Variants in TRIM71 observed in about 807,000 individuals in gnomAD.
TRIM71 encodes the protein E3 ubiquitin-protein ligase TRIM71.
A neutral mutation model predicts 61.2 loss-of-function variants in TRIM71; 9 were observed. The observed-to-expected ratio is 0.15, with a 90% CI of 0.09 to 0.26. The LOEUF (loss-of-function observed/expected upper bound fraction) is 0.26, where lower values mean the gene tolerates loss of function less well. TRIM71 is among the 10% of genes least tolerant of loss of function. The pLI is 1.00. For missense variants in TRIM71, 998 were observed against 1,238.7 expected, an observed-to-expected ratio of 0.81 and a Z score of 2.92; for synonymous variants, 645 against 553.2, an observed-to-expected ratio of 1.17 and a Z score of -2.33.
intron 1 of TRIM71, among the ~76,000 whole-genome samples, chr3:32,839,553 G>A (rs564127288): frequency 1.9e-4 from 29 of 151,304 alleles, no homozygotes; most frequent in Non-Finnish European, 3.2e-4. Context: ...AAGGAGGAAC[G>A]TCTGACCCGT....
intron 1 of TRIM71, among the ~76,000 whole-genome samples, chr3:32,841,415 C>G (rs941237183): frequency 1.3e-5 from 2 of 152,074 alleles, no homozygotes; most frequent in African/African-American, 4.8e-5. Context: ...AGGTGGCTCA[C>G]GCCTCTAATC....
At chr3:32,844,959 A>G (rs559579702) in intron 1 of TRIM71, among the ~76,000 whole-genome samples, 16 of 152,324 alleles carry the variant, frequency 1.1e-4, no homozygotes, top group Admixed American at 4.6e-4. Context: ...TTTTGGGCTG[A>G]ATTTGAGCGA....
intron 1 of TRIM71, among the ~76,000 whole-genome samples, chr3:32,846,131 AG>A (rs1381433767): frequency 5.9e-5 from 8 of 136,558 alleles, no homozygotes; most frequent in Non-Finnish European, 6.1e-5. Flanking sequence ...GCTGGAGTGC[AG>A]TGGCGCGATC....
chr3:32,842,889 C>T (rs575397479), intron 1 of TRIM71, among the ~76,000 whole-genome samples: 2 of 152,258 alleles, frequency 1.3e-5, no homozygotes, highest in South Asian at 4.1e-4. Context: ...CCTCTGGGAG[C>T]CTGCCTTACT....
chr3:32,842,749 C>T (rs1177835903), intron 1 of TRIM71, among the ~76,000 whole-genome samples: 2 of 151,922 alleles, frequency 1.3e-5, no homozygotes, highest in Non-Finnish European at 2.9e-5. Context: ...GGTGTAGGCT[C>T]TTCTGATCCC....
Position 32,890,628 on chromosome 3 carries a change from T to C in TRIM71, c.1424T>C (p.Phe475Ser), listed in dbSNP as rs755272906. The C allele has an allele frequency of 2.5e-6, 4 of 1,613,838 alleles. No homozygotes were observed. The highest frequency in any genetic ancestry group is 2.7e-5 in the African/African-American group (2 of 74,946). Reference protein sequence around the residue: ...DQALYLAIKSFGFVSSGAFAP... With the variant: ...DQALYLAIKSSGFVSSGAFAP... ...GCACTGTACCTTGCCATCAAGTCTT[T>C]TGGCTTTGTTAGCAGCGGGGCCTTT... Residue 475 changes from phenylalanine to serine, a missense_variant, in exon 4 of 4, where the codon TTT becomes TCT. Around this residue, in one of 5 missense-constraint regions of TRIM71, gnomAD observed 291 missense variants for 431.2 expected, o/e 0.67. Coordinates refer to ENST00000383763, the MANE Select transcript of TRIM71 (RefSeq NM_001039111.3). This position sits in a 1 kb window ranked among gnomAD's most constrained non-coding sequence, Gnocchi z 6.2.
chr3:32,824,848 T>A (rs1696182896), intron 1 of TRIM71, among the ~76,000 whole-genome samples: 1 of 152,042 alleles, frequency 6.6e-6, no homozygotes, highest in Non-Finnish European at 1.5e-5. Flanking sequence ...AGGCTGGAGT[T>A]CAGTGGCGCG....
chr3:32,891,872 CTT>C lies in TRIM71; in HGVS notation c.*63_*64del, dbSNP rs1491540332. 40 of 1,510,632 alleles carry C rather than the reference CTT, an allele frequency of 2.6e-5. No individual in the cohort carries two copies. The highest frequency in any genetic ancestry group is 1.8e-4 in the Middle Eastern group (1 of 5,472). The allele number at this position is 1,510,632 out of a possible 1,614,324, so 93.6% of individuals were successfully genotyped here. Reference sequence around the variant, plus strand: ...TGCGTGTCTCTCTCTCTCTCTCTCTCTTTCTCTTTCTCTCTCTTTTTGAATTT... The same window carrying C: ...TGCGTGTCTCTCTCTCTCTCTCTCTCTCTCTTTCTCTCTCTTTTTGAATTT... On this transcript the variant is annotated 3_prime_UTR_variant, in exon 4 of 4. Transcript: ENST00000383763. The surrounding 1 kb of genome is among the most constrained non-coding windows in gnomAD (Gnocchi z 8.2).
At chr3:32,872,404 T>C (rs532959221) in intron 1 of TRIM71, among the ~76,000 whole-genome samples, 31 of 152,286 alleles carry the variant, frequency 2.0e-4, no homozygotes, top group African/African-American at 7.2e-4. Context: ...ACACACTTTA[T>C]GTGAAGATTT....
chr3:32,874,554 ACT>A (rs1303235154), intron 2 of TRIM71, among the ~76,000 whole-genome samples: 7 of 150,418 alleles, frequency 4.7e-5, no homozygotes, highest in Admixed American at 2.0e-4. Context: ...ACGGAGTCTC[ACT>A]CTGTTGCCCA....
At chr3:32,863,195 CTTTTTTTTTT>C (rs11348995) in intron 1 of TRIM71, among the ~76,000 whole-genome samples, 7 of 53,716 alleles carry the variant, frequency 1.3e-4, no homozygotes, top group Admixed American at 3.0e-4. Flanking sequence ...TTAATTGAAC[CTTTTTTTTTT>C]TTTTTTTTTT....
chr3:32,818,413 G>A lies in TRIM71; in HGVS notation c.333G>A (p.Ser111=). ...AEAAGMDALP[S]SAFLLSNLLD... ...CGGCGGGTATGGACGCGCTGCCTTC[G>A]TCCGCCTTCCTGCTTAGCAACCTGC... Residue 111 remains serine (S), a synonymous_variant, in exon 1 of 4, where the codon TCG becomes TCA. Coordinates refer to ENST00000383763, the MANE Select transcript of TRIM71 (RefSeq NM_001039111.3). 1.4e-6 allele frequency: 2 copies of A among 1,477,556 alleles called. No homozygotes were observed. Among genetic ancestry groups the A allele is most frequent in the Non-Finnish European group, 8.9e-7 (1 of 1,118,684 alleles). The allele number at this position is 1,477,556 out of a possible 1,614,324, so 91.5% of individuals were successfully genotyped here. A position where few individuals can be genotyped will look rare whatever the true frequency, so the allele number is the denominator to read the frequency against.
intron 1 of TRIM71, among the ~76,000 whole-genome samples, chr3:32,868,315 G>C (rs1169627281): frequency 6.6e-6 from 1 of 152,198 alleles, no homozygotes; most frequent in Non-Finnish European, 1.5e-5. Context: ...ATCCAAGCTT[G>C]CAAGTAGGTT....
intron 1 of TRIM71, among the ~76,000 whole-genome samples, chr3:32,861,321 C>T (rs1696666253): frequency 6.6e-6 from 1 of 151,202 alleles, no homozygotes; most frequent in Non-Finnish European, 1.5e-5. Context: ...GGATTACAGG[C>T]ATGCTTCACA....
At chr3:32,869,838 GCCT>G (rs1311083098) in intron 1 of TRIM71, among the ~76,000 whole-genome samples, 1 of 152,190 alleles carries the variant, frequency 6.6e-6, no homozygotes, top group African/African-American at 2.4e-5. Context: ...CAGAGGTCAA[GCCT>G]CCTCCATTTA....
intron 2 of TRIM71, 79 bp downstream of exon 2, chr3:32,874,064 G>A: frequency 6.8e-7 from 1 of 1,460,844 alleles, no homozygotes; most frequent in Non-Finnish European, 9.2e-7. Flanking sequence ...CAGACAATTG[G>A]GCAGATTCCA....
intron 1 of TRIM71, among the ~76,000 whole-genome samples, chr3:32,837,750 G>T (rs370925352): frequency 1.4e-4 from 22 of 152,250 alleles, no homozygotes; most frequent in African/African-American, 5.3e-4. Context: ...AGGCTTCAGT[G>T]AGCCGACATT....
At chr3:32,834,570 A>G (rs182605712) in intron 1 of TRIM71, among the ~76,000 whole-genome samples, 1 of 152,192 alleles carries the variant, frequency 6.6e-6, no homozygotes. Flanking sequence ...TGGAAAACGA[A>G]CATTTCATTT....
chr3:32,863,387 A>G (rs922907446), intron 1 of TRIM71, among the ~76,000 whole-genome samples: 2 of 151,754 alleles, frequency 1.3e-5, no homozygotes, highest in African/African-American at 4.8e-5. Flanking sequence ...TTTTGTAGAG[A>G]CAGGGTCTTT....
Sources: gnomAD v4.1 joint callset for allele counts (sites outside exome capture counted in the v4.1 genomes callset) on GRCh38, gnomAD v4.1.1 for gene constraint, gnomAD v4.1.1 regional missense constraint, Gnocchi (gnomAD v3.1) non-coding constraint, MANE v1.5 for transcripts, NCBI Gene and HGNC (gene_info 2026-07-23, HGNC 2026-07-21) for gene names.